Variants in FAM120A observed in about 807,000 individuals in gnomAD.
FAM120A encodes the protein constitutive coactivator of PPAR-gamma-like protein 1.
Under a neutral mutation model 109.7 loss-of-function variants are expected in FAM120A, and 15 were observed. That is an observed-to-expected ratio of 0.14 (90% CI 0.09 to 0.21). The LOEUF (loss-of-function observed/expected upper bound fraction) is 0.21, where lower values mean the gene tolerates loss of function less well. Among genes scored for constraint, FAM120A ranks in the 10% least tolerant of loss-of-function variants. FAM120A has a pLI of 1.00. For synonymous variants in FAM120A, 493 were observed against 572.8 expected (o/e 0.86, Z 1.99); for missense variants, 899 against 1,439.3 (o/e 0.62, Z 6.07).
At chr9:93,504,390 C>G (rs1421063503) in intron 5 of FAM120A, among the ~76,000 whole-genome samples, 4 of 152,140 alleles carry the variant, frequency 2.6e-5, no homozygotes, top group Non-Finnish European at 5.9e-5. Flanking sequence ...ATGTGTTAGT[C>G]TTAGAACATT....
intron 7 of FAM120A, among the ~76,000 whole-genome samples, chr9:93,524,983 A>T (rs1861011234): frequency 6.6e-6 from 1 of 152,196 alleles, no homozygotes; most frequent in Non-Finnish European, 1.5e-5. Flanking sequence ...ATAAATATAT[A>T]TAGAAGTATT....
intron 1 of FAM120A, among the ~76,000 whole-genome samples, chr9:93,460,022 G>A (rs977685577): frequency 2.0e-5 from 3 of 152,266 alleles, no homozygotes; most frequent in South Asian, 2.1e-4. Context: ...CAAAATACAC[G>A]CAGGTATACT....
chr9:93,561,212 C>T lies in FAM120A; in HGVS notation c.2910C>T (p.Phe970=). 6.2e-7 allele frequency: 1 copy of T among 1,613,174 alleles called. No homozygotes were observed. ...GGGGCCGTGGGGGCCGGGGGCCTTT[C>T]CCCCTGCAGGTGGTTTCTGTCGGAG... The part of the protein sequence containing the change: ...SRRGRGGRGP[F]PLQVVSVGGP... The change falls in exon 16 of 18, where the codon TTC becomes TTT. Residue 970 remains phenylalanine (F), a synonymous_variant. Transcript: ENST00000277165.
chr9:93,461,714 C>A (rs1857798458), intron 1 of FAM120A, among the ~76,000 whole-genome samples: 1 of 152,024 alleles, frequency 6.6e-6, no homozygotes, highest in African/African-American at 2.4e-5. Context: ...AGGGAAAAAT[C>A]AAGCAGTTTT....
rs1471032386 is a variant in FAM120A, at chr9:93,532,781, C to T, written c.1909+452C>T. 6.6e-6 allele frequency among the ~76,000 whole-genome samples: 1 copy of T among 152,184 alleles called. No individual in the cohort carries two copies. The highest frequency in any genetic ancestry group is 2.1e-4 in the South Asian group (1 of 4,830). On this transcript the variant is annotated intron_variant, in intron 10 of 17. Transcript: ENST00000277165. This position sits in a 1 kb window ranked among gnomAD's most constrained non-coding sequence, Gnocchi z 4.3. ...TGTTTGTGCTGTTGGAGTGCCACCA[C>T]GCATGGCTCTGCAGCTGTAGCGAAG...
chr9:93,482,445 C>T (rs1050217591), intron 3 of FAM120A, among the ~76,000 whole-genome samples: 7 of 152,204 alleles, frequency 4.6e-5, no homozygotes, highest in African/African-American at 1.7e-4. Context: ...CCTGCCTCAG[C>T]CTGCCAAAGT....
At chr9:93,504,896 C>T (rs1189181659) in intron 5 of FAM120A, among the ~76,000 whole-genome samples, 1 of 152,020 alleles carries the variant, frequency 6.6e-6, no homozygotes, top group Admixed American at 6.6e-5. Context: ...CATTGCTCCA[C>T]GTTTTATTAT....
At chr9:93,563,049 G>A (rs910954466) in intron 17 of FAM120A, among the ~76,000 whole-genome samples, 8 of 152,176 alleles carry the variant, frequency 5.3e-5, no homozygotes, top group South Asian at 2.1e-4. Flanking sequence ...AGAAGGGTGC[G>A]TTAATATTTC....
chr9:93,516,179 G>T lies in FAM120A; in HGVS notation c.1328G>T (p.Gly443Val). The T allele has an allele frequency of 1.2e-6, 2 of 1,614,024 alleles. No homozygotes were observed. Among genetic ancestry groups the T allele is most frequent in the African/African-American group, 1.3e-5 (1 of 75,064 alleles). Residue 443 changes from glycine (G) to valine (V), a missense_variant, in exon 7 of 18, where the codon GGC becomes GTC. Gly to Val is a moderately radical substitution (Grantham distance 109). This residue lies in a region of FAM120A where 31 missense variants were observed against 71.8 expected (regional missense o/e 0.43). Transcript: ENST00000277165. ...TCGCCCATCAACCCGGCCCAGAGCG[G>T]CAGCCCCAACCACGTGGATTCCGCC... ...RSSPINPAQSGSPNHVDSAYF... is the reference protein window; with the variant it reads ...RSSPINPAQSVSPNHVDSAYF...
rs749730529 is a variant in FAM120A, at chr9:93,557,910, T to C, written c.2568T>C (p.Pro856=). 1.2e-6 allele frequency: 2 copies of C among 1,611,914 alleles called. No individual in the cohort carries two copies. The highest frequency in any genetic ancestry group is 3.3e-5 in the Admixed American group (2 of 60,010). ...LSFSRQSHTL[P]FPPPPALPFY... ...TCTCCAGGCAGAGCCACACGCTCCCTTTCCCGCCGCCACCTGCCCTGCCCT... is the reference window on the plus strand; with the variant it reads ...TCTCCAGGCAGAGCCACACGCTCCCCTTCCCGCCGCCACCTGCCCTGCCCT... The change falls in exon 14 of 18, where the codon CCT becomes CCC. Residue 856 remains proline, a synonymous_variant. Coordinates refer to ENST00000277165, the MANE Select transcript of FAM120A (RefSeq NM_014612.5).
chr9:93,516,450 T>A (rs1860591609), intron 7 of FAM120A, among the ~76,000 whole-genome samples, 181 bp downstream of exon 7: 1 of 152,196 alleles, frequency 6.6e-6, no homozygotes, highest in Non-Finnish European at 1.5e-5. Flanking sequence ...AGAGTAGGTA[T>A]GTTCTTGAAG....
At chr9:93,461,361 G>A (rs565292675) in intron 1 of FAM120A, among the ~76,000 whole-genome samples, 1 of 152,230 alleles carries the variant, frequency 6.6e-6, no homozygotes, top group Non-Finnish European at 1.5e-5. Context: ...GTTGGAGGGG[G>A]TCACTAGACT....
intron 1 of FAM120A, among the ~76,000 whole-genome samples, chr9:93,461,360 G>C (rs1023392382): frequency 1.3e-5 from 2 of 152,086 alleles, no homozygotes; most frequent in African/African-American, 4.8e-5. Context: ...TGTTGGAGGG[G>C]GTCACTAGAC....
chr9:93,534,170 G>A (rs1287912070), intron 10 of FAM120A, among the ~76,000 whole-genome samples: 5 of 152,280 alleles, frequency 3.3e-5, no homozygotes, highest in African/African-American at 7.2e-5. Flanking sequence ...GGAGGTCTCC[G>A]TCTGGGCCTG....
intron 1 of FAM120A, among the ~76,000 whole-genome samples, chr9:93,453,850 C>G (rs1857418939): frequency 6.6e-6 from 1 of 152,320 alleles, no homozygotes; most frequent in East Asian, 1.9e-4. Flanking sequence ...ATAGTTTAGT[C>G]TTGTTCAGAG....
At chr9:93,489,156 T>C (rs1859202964) in intron 3 of FAM120A, among the ~76,000 whole-genome samples, 1 of 152,180 alleles carries the variant, frequency 6.6e-6, no homozygotes, top group Admixed American at 6.5e-5. Flanking sequence ...GGCGCAATTT[T>C]GAATGGAAGA....
intron 15 of FAM120A, among the ~76,000 whole-genome samples, chr9:93,559,576 G>A (rs1021756994): frequency 6.6e-6 from 1 of 152,250 alleles, no homozygotes; most frequent in Admixed American, 6.5e-5. Flanking sequence ...TCCTTTCCCT[G>A]GTGCAGCTGC....
At chr9:93,521,448 G>C (rs1860841241) in intron 7 of FAM120A, among the ~76,000 whole-genome samples, 1 of 151,998 alleles carries the variant, frequency 6.6e-6, no homozygotes, top group East Asian at 1.9e-4. Context: ...CAGACATGGT[G>C]GCATGTGCCT....
In FAM120A at chr9:93,451,945, C is replaced by G; in HGVS notation, c.30C>G (p.Ile10Met). 6.5e-7 allele frequency: 1 copy of G among 1,527,160 alleles called. No individual in the cohort carries two copies. Among genetic ancestry groups the G allele is most frequent in the Non-Finnish European group, 8.8e-7 (1 of 1,140,698 alleles). The allele number at this position is 1,527,160 out of a possible 1,614,324, so 94.6% of individuals were successfully genotyped here. A position where few individuals can be genotyped will look rare whatever the true frequency, so the allele number is the denominator to read the frequency against. Residue 10 changes from isoleucine to methionine, a missense_variant, in exon 1 of 18, where the codon ATC (isoleucine) becomes ATG (methionine). This residue lies in a region of FAM120A where 258 missense variants were observed against 451.4 expected (regional missense o/e 0.57). Transcript: ENST00000277165. MGVQGFQDYIEKHCPSAVVP... is the reference protein window; with the variant it reads MGVQGFQDYMEKHCPSAVVP... ...GCGTGCAGGGCTTCCAGGACTACAT[C>G]GAGAAGCACTGCCCGAGCGCCGTGG...
Sources: allele counts gnomAD v4.1 joint callset (sites outside exome capture counted in the v4.1 genomes callset), GRCh38; gene constraint gnomAD v4.1.1; regional missense constraint gnomAD v4.1.1; non-coding constraint Gnocchi (gnomAD v3.1); transcripts MANE v1.5; gene names NCBI Gene and HGNC (gene_info 2026-07-23, HGNC 2026-07-21).